DGCR2: variants seen among roughly 807,000 people sequenced by gnomAD.
The protein encoded by DGCR2 is integral membrane protein DGCR2/IDD.
A neutral mutation model predicts 51.6 loss-of-function variants in DGCR2; 24 were observed. The observed-to-expected ratio is 0.47, with a 90% CI of 0.34 to 0.65. The LOEUF (loss-of-function observed/expected upper bound fraction) is 0.65, where lower values mean the gene tolerates loss of function less well. DGCR2 is among the 30% of genes least tolerant of loss of function. The probability of loss-of-function intolerance (pLI) is 0.01; values close to 1 mark genes in which losing one functional copy is unlikely to be tolerated. For missense variants in DGCR2, 765 were observed against 772.1 expected (o/e 0.99, Z 0.11); for synonymous variants, 340 against 315.4 (o/e 1.08, Z -0.82).
intron 5 of DGCR2, among the ~76,000 whole-genome samples, chr22:19,058,302 C>T (rs1255865841): frequency 6.6e-6 from 1 of 152,198 alleles, no homozygotes; most frequent in Non-Finnish European, 1.5e-5. Flanking sequence ...AACAGCTGTG[C>T]CCCCTTCCCA....
intron 1 of DGCR2, among the ~76,000 whole-genome samples, chr22:19,093,275 G>A (rs1381444027): frequency 6.6e-6 from 1 of 151,532 alleles, no homozygotes; most frequent in African/African-American, 2.4e-5. Flanking sequence ...CAGGAGAATC[G>A]CTTGAATCTG....
rs1305471460 is a variant in DGCR2, at chr22:19,119,605, G to A, written c.79+2523C>T. ...ACAAAAATTAGCCGAGCGTGGAGGCGTATGCCTGTAATCCCAGCTACTCGG... is the reference window on the plus strand; with the variant it reads ...ACAAAAATTAGCCGAGCGTGGAGGCATATGCCTGTAATCCCAGCTACTCGG... On this transcript the variant is annotated intron_variant, in intron 1 of 9. Transcript: ENST00000263196. Among the ~76,000 whole-genome samples, 7 of 152,084 alleles carry A rather than the reference G, an allele frequency of 4.6e-5. No individual in the cohort carries two copies. The East Asian group carries it at 7.7e-4, about 17-fold the overall frequency.
At chr22:19,052,441 A>ACAC (rs58333624) in intron 6 of DGCR2, among the ~76,000 whole-genome samples, 26 of 87,266 alleles carry the variant, frequency 3.0e-4, no homozygotes, top group Non-Finnish European at 5.8e-4. Context: ...CACACACACA[A>ACAC]AAGAAAAAAA....
chr22:19,092,995 GAAGA>G lies in DGCR2; in HGVS notation c.80-3509_80-3506del, dbSNP rs781043588. Among the ~76,000 whole-genome samples the G allele has an allele frequency of 6.9e-4, 98 of 141,356 alleles. No individual in the cohort carries two copies. The East Asian group carries it at 8.8e-3, about 13-fold the overall frequency. The allele number at this position is 141,356 out of a possible 152,430, so 92.7% of individuals were successfully genotyped here. On this transcript the variant is annotated intron_variant, in intron 1 of 9. Transcript: ENST00000263196. ...GGAGGAAGAGGAGGAAGAAAGAAGAGAAGAAGGAGGAGGAGGAGGAAGAAAGAGG... is the reference window on the plus strand; with the variant it reads ...GGAGGAAGAGGAGGAAGAAAGAAGAGAGGAGGAGGAGGAGGAAGAAAGAGG...
At chr22:19,077,247 A>G (rs2082888585) in intron 2 of DGCR2, among the ~76,000 whole-genome samples, 1 of 152,158 alleles carries the variant, frequency 6.6e-6, no homozygotes, top group Non-Finnish European at 1.5e-5. Flanking sequence ...TAAGTGTCTT[A>G]TGTAAGAAAT....
At chr22:19,068,653 G>A (rs1340243852) in intron 2 of DGCR2, among the ~76,000 whole-genome samples, 1 of 152,138 alleles carries the variant, frequency 6.6e-6, no homozygotes, top group Non-Finnish European at 1.5e-5. Flanking sequence ...GGAGACCCAC[G>A]TGTGCAACCT....
At chr22:19,076,755 G>C (rs1371889639) in intron 2 of DGCR2, among the ~76,000 whole-genome samples, 3 of 118,308 alleles carry the variant, frequency 2.5e-5, no homozygotes, top group Non-Finnish European at 5.1e-5. Context: ...TTTTGAGATG[G>C]AGTCTCGCTC....
At chr22:19,084,809 G>C (rs893762550) in intron 2 of DGCR2, among the ~76,000 whole-genome samples, 4 of 55,430 alleles carry the variant, frequency 7.2e-5, no homozygotes, top group Non-Finnish European at 1.2e-4. Context: ...GGAAGGAGGT[G>C]GGGGGGCGCC....
At chr22:19,066,746 A>T (rs2145973636) in intron 3 of DGCR2, among the ~76,000 whole-genome samples, 1 of 152,270 alleles carries the variant, frequency 6.6e-6, no homozygotes, top group East Asian at 1.9e-4. Flanking sequence ...CTGTGCACTG[A>T]CTCATCTTCT....
intron 2 of DGCR2, among the ~76,000 whole-genome samples, chr22:19,083,386 C>T (rs751293195): frequency 6.6e-6 from 1 of 152,178 alleles, no homozygotes; most frequent in Admixed American, 6.5e-5. Flanking sequence ...AAGGCAAGTG[C>T]TCCCTCCTCA....
At chr22:19,068,913 T>G (rs183614707) in intron 2 of DGCR2, among the ~76,000 whole-genome samples, 1 of 152,356 alleles carries the variant, frequency 6.6e-6, no homozygotes, top group Admixed American at 6.5e-5. Context: ...CACCAGTGCT[T>G]CCACCCACAC....
chr22:19,071,108 G>T (rs2082809868), intron 2 of DGCR2, among the ~76,000 whole-genome samples: 1 of 152,250 alleles, frequency 6.6e-6, no homozygotes, highest in African/African-American at 2.4e-5. Flanking sequence ...GAGCAGCCCT[G>T]CCTCACAGCC....
In DGCR2 at chr22:19,122,054, T is replaced by A. The variant is rs538423084; in HGVS notation, c.79+74A>T. The stretch of plus-strand genomic sequence containing the variant: ...GGCCCCTGCAGGAGGGCGCCGCGGG[T>A]GAAAGGAGGTCCCGGGGCGACCCCG... On this transcript the variant is annotated intron_variant, in intron 1 of 9. Transcript: ENST00000263196. 2,364 of 1,016,076 alleles carry A rather than the reference T, an allele frequency of 2.3e-3. 5 individuals carry two copies. The highest frequency in any genetic ancestry group is 2.3e-3 in the Non-Finnish European group (1,791 of 773,788). 62.9% of individuals were successfully genotyped at this position (1,016,076 alleles called of 1,614,324 possible). A position where few individuals can be genotyped will look rare whatever the true frequency, so the allele number is the denominator to read the frequency against.
At position 19,041,928 on chromosome 22, in the gene DGCR2, G is replaced by T. The variant is rs746094665; in HGVS notation, c.1038C>A (p.Ser346Arg). 2 of 1,613,058 alleles carry T rather than the reference G, an allele frequency of 1.2e-6. No individual in the cohort carries two copies. Among genetic ancestry groups the T allele is most frequent in the Non-Finnish European group, 1.7e-6 (2 of 1,179,762 alleles). The part of the protein sequence containing the change: ...DGNSLFDSMA[S>R]GMRLVVSCIS... ...TGCAGCTGACGACCAGGCGCATCCC[G>T]CTGGCCATGGAGTCAAACAGACTGT... The change falls in exon 8 of 10, where the codon AGC becomes AGA. Residue 346 changes from serine (S) to arginine (R), a missense_variant. Coordinates refer to ENST00000263196, the MANE Select transcript of DGCR2 (RefSeq NM_005137.3).
chr22:19,119,706 A>T (rs1251352343), intron 1 of DGCR2, among the ~76,000 whole-genome samples: 1 of 144,744 alleles, frequency 6.9e-6, no homozygotes, highest in Admixed American at 7.2e-5. Flanking sequence ...ACTGCACTCC[A>T]GCCTGAGCAA....
At chr22:19,083,691 T>TCCCCC (rs1209831465) in intron 2 of DGCR2, among the ~76,000 whole-genome samples, 1 of 74,828 alleles carries the variant, frequency 1.3e-5, no homozygotes, top group African/African-American at 5.3e-5. Context: ...CCTCTCCCTC[T>TCCCCC]CCCCCCTCCC....
chr22:19,114,681 G>A (rs1291533051), intron 1 of DGCR2, among the ~76,000 whole-genome samples: 1 of 152,212 alleles, frequency 6.6e-6, no homozygotes, highest in African/African-American at 2.4e-5. Context: ...TCATCCCTGT[G>A]TTGACCTTCT....
chr22:19,046,642 T>C (rs1025322476), intron 7 of DGCR2: 3 of 287,414 alleles, frequency 1.0e-5, no homozygotes, highest in Middle Eastern at 8.6e-4. Flanking sequence ...GTCTCCAGTT[T>C]TGGTGATAGT....
chr22:19,085,101 C>T (rs1239376757), intron 2 of DGCR2, among the ~76,000 whole-genome samples: 1 of 122,806 alleles, frequency 8.1e-6, no homozygotes, highest in Non-Finnish European at 1.7e-5. Context: ...ATTCTCCTGC[C>T]TTGGAAAAAA....
Sources: gnomAD v4.1 joint callset for allele counts (sites outside exome capture counted in the v4.1 genomes callset) on GRCh38, gnomAD v4.1.1 for gene constraint, MANE v1.5 for transcripts, NCBI Gene and HGNC (gene_info 2026-07-23, HGNC 2026-07-21) for gene names.